Variants in HAS2 observed in about 807,000 individuals in gnomAD.
HAS2 encodes hyaluronan synthase 2.
HAS2 carries 16 observed loss-of-function variants against 51.6 expected under a neutral mutation model. The ratio of observed to expected loss-of-function variants is 0.31; its 90% confidence interval spans 0.21 to 0.47. The LOEUF (loss-of-function observed/expected upper bound fraction) is 0.47. HAS2 is among the 20% of genes least tolerant of loss of function. The probability of loss-of-function intolerance (pLI) is 1.00; values close to 1 mark genes in which losing one functional copy is unlikely to be tolerated. For missense variants in HAS2, 361 were observed against 662.6 expected (o/e 0.54, Z 5.00); for synonymous variants, 228 against 235.5 (o/e 0.97, Z 0.29).
chr8:121,632,381 A>G (rs1461927395), intron 1 of HAS2, among the ~76,000 whole-genome samples: 1 of 152,328 alleles, frequency 6.6e-6, no homozygotes, highest in South Asian at 2.1e-4. Context: ...AAATTGGAAA[A>G]TAGAGTTAGT....
At position 121,612,980 on chromosome 8, in the gene HAS2, A is replaced by G. The variant is rs935289850; in HGVS notation, c.*1129T>C. 3 of 151,994 alleles carry G rather than the reference A, an allele frequency of 2.0e-5. No homozygotes were observed. The allele number at this position is 151,994 out of a possible 1,614,324, so 9.4% of individuals were successfully genotyped here. Reference sequence around the variant, plus strand: ...AAAAAAGACAGGCAAAACATGTTCAATGTGTAGGTAGGACCCAGTAAATTC... The same window carrying G: ...AAAAAAGACAGGCAAAACATGTTCAGTGTGTAGGTAGGACCCAGTAAATTC... On this transcript the variant is annotated 3_prime_UTR_variant, in exon 4 of 4. Transcript: ENST00000303924.
intron 1 of HAS2, chr8:121,639,474 CG>C (rs1355224348): frequency 6.5e-6 from 1 of 152,870 alleles, no homozygotes; most frequent in Non-Finnish European, 1.5e-5. Flanking sequence ...CCCAGAGGCG[CG>C]CGGTGTCCTT....
At chr8:121,617,951 G>A (rs1812727241) in intron 2 of HAS2, among the ~76,000 whole-genome samples, 1 of 151,396 alleles carries the variant, frequency 6.6e-6, no homozygotes, top group African/African-American at 2.4e-5. Flanking sequence ...ATCACTTTAA[G>A]CTATTCTAGA....
Position 121,620,618 on chromosome 8 carries a change from C to G in HAS2, c.628-3412G>C, listed in dbSNP as rs191985513. Among the ~76,000 whole-genome samples the G allele has an allele frequency of 3.3e-5, 5 of 152,288 alleles. No individual in the cohort carries two copies. The East Asian group carries it at 7.7e-4, about 24-fold the overall frequency. ...CAACTTTTGAGTAAATGAAACATGT[C>G]AAGAAGACATTATTTAGAAGAACCA... On this transcript the variant is annotated intron_variant, in intron 2 of 3. Transcript: ENST00000303924.
chr8:121,629,928 G>T (rs1405652744), intron 1 of HAS2, among the ~76,000 whole-genome samples: 1 of 152,110 alleles, frequency 6.6e-6, no homozygotes, highest in Non-Finnish European at 1.5e-5. Flanking sequence ...GTGACCTTGG[G>T]TGAGTCACCA....
intron 1 of HAS2, among the ~76,000 whole-genome samples, chr8:121,637,581 G>C (rs1377089957): frequency 1.3e-5 from 2 of 151,960 alleles, no homozygotes; most frequent in Non-Finnish European, 2.9e-5. Context: ...AGTAGAGACA[G>C]GGTTTCACCA....
At chr8:121,640,317 G>C (rs2130458414) in intron 1 of HAS2, 1 of 152,352 alleles carries the variant, frequency 6.6e-6, no homozygotes, top group East Asian at 1.9e-4. Flanking sequence ...CCAGCTTGTC[G>C]GAGCTGGAAG....
At position 121,633,386 on chromosome 8, in the gene HAS2, C is replaced by T. The variant is rs868207109; in HGVS notation, c.1-4046G>A. Among the ~76,000 whole-genome samples the T allele has an allele frequency of 8.5e-5, 13 of 152,192 alleles. No homozygotes were observed. In the South Asian group the frequency reaches 1.5e-3, roughly 17 times the overall value. ...CTTGAACTCCTGACCTCAGGTGATC[C>T]GCCTGCCTTGGCCTTCCAAAGTGCT... On this transcript the variant is annotated intron_variant, in intron 1 of 3. Coordinates refer to ENST00000303924, the MANE Select transcript of HAS2 (RefSeq NM_005328.3).
chr8:121,636,965 C>G (rs1229824518), intron 1 of HAS2, among the ~76,000 whole-genome samples: 2 of 152,112 alleles, frequency 1.3e-5, no homozygotes, highest in African/African-American at 4.8e-5. Flanking sequence ...AAATTCCATC[C>G]ACACCCCTTA....
At chr8:121,629,446 T>A in intron 1 of HAS2, 106 bp from the exon 2 acceptor site, 2 of 897,250 alleles carry the variant, frequency 2.2e-6, no homozygotes, top group Non-Finnish European at 3.4e-6. Flanking sequence ...TCAGGAGTTT[T>A]AACACTCAAT....
In HAS2 at chr8:121,613,137, AC is replaced by A. The variant is rs1445421901; in HGVS notation, c.*971del. On this transcript the variant is annotated 3_prime_UTR_variant, in exon 4 of 4. Transcript: ENST00000303924. ...TCTCCAAAGATTATTCATCTTTGAT[AC>A]CCATGTTTTGTCCAGTGCTGGATGC... is the stretch of plus-strand genomic sequence containing the variant. The A allele has an allele frequency of 1.3e-5, 2 of 152,126 alleles. No homozygotes were observed. Among genetic ancestry groups the A allele is most frequent in the African/African-American group, 4.8e-5 (2 of 41,438 alleles). The allele number at this position is 152,126 out of a possible 1,614,324, so 9.4% of individuals were successfully genotyped here. A position where few individuals can be genotyped will look rare whatever the true frequency, so the allele number is the denominator to read the frequency against.
chr8:121,632,509 TA>T (rs758736600), intron 1 of HAS2, among the ~76,000 whole-genome samples: 27 of 152,216 alleles, frequency 1.8e-4, no homozygotes, highest in Non-Finnish European at 3.2e-4. Context: ...TTTGGCCTAC[TA>T]ATTGATACCA....
At chr8:121,639,103 C>A (rs372246951) in intron 1 of HAS2, among the ~76,000 whole-genome samples, 4 of 152,188 alleles carry the variant, frequency 2.6e-5, no homozygotes, top group African/African-American at 9.6e-5. Flanking sequence ...GTACAATGAG[C>A]AGTGAAGTTG....
At chr8:121,623,613 T>A (rs1319108139) in intron 2 of HAS2, among the ~76,000 whole-genome samples, 3 of 152,160 alleles carry the variant, frequency 2.0e-5, no homozygotes, top group Non-Finnish European at 4.4e-5. Context: ...TAGATATAAT[T>A]AAGATGTCAG....
intron 1 of HAS2, among the ~76,000 whole-genome samples, chr8:121,633,867 G>A (rs1253042048): frequency 6.6e-6 from 1 of 151,816 alleles, no homozygotes; most frequent in East Asian, 1.9e-4. Context: ...GTTCAACAGT[G>A]AGAATTGAGT....
intron 2 of HAS2, among the ~76,000 whole-genome samples, chr8:121,623,460 A>G (rs778221086): frequency 5.3e-5 from 8 of 152,198 alleles, no homozygotes; most frequent in Middle Eastern, 3.2e-3. Flanking sequence ...GGTGCCCTTA[A>G]ATCAAGATTT....
At chr8:121,635,455 C>T (rs1336966838) in intron 1 of HAS2, among the ~76,000 whole-genome samples, 2 of 152,292 alleles carry the variant, frequency 1.3e-5, no homozygotes, top group East Asian at 1.9e-4. Flanking sequence ...TAACCCATTA[C>T]TTATGGGTTA....
chr8:121,620,184 A>G (rs1423296597), intron 2 of HAS2, among the ~76,000 whole-genome samples: 3 of 152,214 alleles, frequency 2.0e-5, no homozygotes, highest in Non-Finnish European at 4.4e-5. Flanking sequence ...TGGTGATAGA[A>G]TGCCAGCTAG....
intron 1 of HAS2, among the ~76,000 whole-genome samples, chr8:121,629,594 T>A (rs1437386704): frequency 1.3e-5 from 2 of 152,182 alleles, no homozygotes; most frequent in Admixed American, 6.5e-5. Flanking sequence ...TACTACTGAA[T>A]GCCATAATGT....
Sources: allele counts gnomAD v4.1 joint callset (sites outside exome capture counted in the v4.1 genomes callset), GRCh38; gene constraint gnomAD v4.1.1; transcripts MANE v1.5; gene names NCBI Gene and HGNC (gene_info 2026-07-23, HGNC 2026-07-21).